The following NRXN3 variants were observed in gnomAD, a reference collection of about 807,000 sequenced individuals.
NRXN3 encodes neurexin III.
Under a neutral mutation model 137.6 loss-of-function variants are expected in NRXN3, and 32 were observed. The observed-to-expected ratio is 0.23, with a 90% CI of 0.18 to 0.31. NRXN3 has a LOEUF of 0.31. Ranked by LOEUF, NRXN3 falls within the 10% of genes least tolerant of loss-of-function variation. NRXN3 has a pLI of 1.00. For missense variants in NRXN3, 1,574 were observed against 2,062.5 expected, an observed-to-expected ratio of 0.76 and a Z score of 4.59; for synonymous variants, 798 against 784.5, an observed-to-expected ratio of 1.02 and a Z score of -0.29.
chr14:78,594,487 A>G (rs2097143098), intron 4 of NRXN3, among the ~76,000 whole-genome samples: 1 of 152,182 alleles, frequency 6.6e-6, no homozygotes, highest in Non-Finnish European at 1.5e-5. Flanking sequence ...AGAACCACTT[A>G]CCCAGGTCAT....
intron 15 of NRXN3, chr14:79,280,280 CG>C: frequency 6.2e-7 from 1 of 1,613,860 alleles, no homozygotes; most frequent in Non-Finnish European, 8.5e-7. Flanking sequence ...GTAGTGGTCC[CG>C]TGCGTTGACC....
At chr14:79,689,580 G>T (rs1415588897) in intron 17 of NRXN3, among the ~76,000 whole-genome samples, 1 of 152,062 alleles carries the variant, frequency 6.6e-6, no homozygotes, top group African/African-American at 2.4e-5. Flanking sequence ...ATCTGGTGTG[G>T]AAAACTTAAA....
chr14:79,757,131 G>A (rs190011936), intron 19 of NRXN3, among the ~76,000 whole-genome samples: 127 of 152,258 alleles, frequency 8.3e-4, no homozygotes, highest in Admixed American at 2.0e-3. Context: ...GGACATTTGG[G>A]TTCACTACAC....
chr14:78,654,926 T>C (rs2097773502), intron 6 of NRXN3, among the ~76,000 whole-genome samples: 1 of 152,208 alleles, frequency 6.6e-6, no homozygotes, highest in South Asian at 2.1e-4. Context: ...CATCTTGACA[T>C]GGCAGTGGTT....
rs551574942 is a variant in NRXN3, at chr14:78,214,336, G to T, written c.-703-28055G>T. On this transcript the variant is annotated intron_variant, in intron 1 of 20. Coordinates refer to ENST00000335750, the MANE Select transcript of NRXN3 (RefSeq NM_001330195.2). The stretch of plus-strand genomic sequence containing the variant: ...CACAAGAGTAACTTCTTCAGGGAGG[G>T]CTGGAGTCCCCTCCTAGTGCTCTTT... Among the ~76,000 whole-genome samples the T allele has an allele frequency of 3.9e-5, 6 of 152,296 alleles. No homozygotes were observed. The South Asian group carries it at 1.2e-3, about 32-fold the overall frequency.
intron 20 of NRXN3, among the ~76,000 whole-genome samples, chr14:79,824,494 TC>T (rs1007907845): frequency 2.8e-4 from 42 of 152,134 alleles, no homozygotes; most frequent in Non-Finnish European, 5.3e-4. Flanking sequence ...CTTTACCCTT[TC>T]CGTTGTGGAA....
chr14:78,391,923 C>A (rs2090833036), intron 4 of NRXN3, among the ~76,000 whole-genome samples: 1 of 151,966 alleles, frequency 6.6e-6, no homozygotes, highest in African/African-American at 2.4e-5. Context: ...TGTGGTTCTT[C>A]CAGCCTCAAG....
intron 8 of NRXN3, among the ~76,000 whole-genome samples, chr14:78,734,894 T>C (rs1323293625): frequency 6.6e-6 from 1 of 152,172 alleles, no homozygotes; most frequent in Admixed American, 6.6e-5. Flanking sequence ...TGGTAGAGTA[T>C]GATACTGATT....
intron 3 of NRXN3, among the ~76,000 whole-genome samples, chr14:78,297,081 G>A (rs542568450): frequency 2.0e-5 from 3 of 152,158 alleles, no homozygotes; most frequent in Admixed American, 2.0e-4. Context: ...TCTATTTATT[G>A]GGACTTTACA....
intron 16 of NRXN3, among the ~76,000 whole-genome samples, chr14:79,468,105 G>A (rs2153614741): frequency 6.6e-6 from 1 of 152,310 alleles, no homozygotes; most frequent in South Asian, 2.1e-4. Context: ...TAATTCATGT[G>A]TATTGCATAC....
chr14:78,278,068 G>A (rs1273091438), intron 2 of NRXN3, among the ~76,000 whole-genome samples: 1 of 152,294 alleles, frequency 6.6e-6, no homozygotes, highest in Admixed American at 6.5e-5. Context: ...TGGGTGTACT[G>A]GGGAGGCGGG....
At chr14:78,688,561 A>G (rs1448911193) in intron 6 of NRXN3, among the ~76,000 whole-genome samples, 1 of 152,092 alleles carries the variant, frequency 6.6e-6, no homozygotes, top group African/African-American at 2.4e-5. Flanking sequence ...CAACTTTTGG[A>G]AGAGTTTTGC....
At chr14:79,517,130 C>T (rs2096998133) in intron 16 of NRXN3, among the ~76,000 whole-genome samples, 1 of 149,130 alleles carries the variant, frequency 6.7e-6, no homozygotes, top group South Asian at 2.1e-4. Flanking sequence ...CTTCCCCACA[C>T]CTCACCAATA....
chr14:78,889,209 TGTTCAAAGGGGAA>T (rs2099152271), intron 10 of NRXN3, among the ~76,000 whole-genome samples: 1 of 151,994 alleles, frequency 6.6e-6, no homozygotes, highest in Non-Finnish European at 1.5e-5. Flanking sequence ...CAAAAGACCT[TGTTCAAAGGGGAA>T]GAACAAATAA....
At chr14:79,002,143 C>A (rs1335938728) in intron 15 of NRXN3, among the ~76,000 whole-genome samples, 3 of 152,182 alleles carry the variant, frequency 2.0e-5, no homozygotes, top group East Asian at 3.9e-4. Context: ...TTAGACTATT[C>A]AAATAGCACA....
chr14:78,261,161 A>G (rs1313260995), intron 2 of NRXN3, among the ~76,000 whole-genome samples: 1 of 152,164 alleles, frequency 6.6e-6, no homozygotes, highest in Admixed American at 6.5e-5. Context: ...CTGGCATTGA[A>G]TGGGGGCGGG....
chr14:78,220,799 A>G (rs2063773511), intron 1 of NRXN3, among the ~76,000 whole-genome samples: 1 of 152,030 alleles, frequency 6.6e-6, no homozygotes, highest in South Asian at 2.1e-4. Context: ...GAAGGGAAGT[A>G]GGGAAGGTAG....
chr14:78,949,503 C>T (rs1392410943), intron 10 of NRXN3, among the ~76,000 whole-genome samples: 1 of 151,862 alleles, frequency 6.6e-6, no homozygotes, highest in Non-Finnish European at 1.5e-5. Flanking sequence ...TTTTCCAATA[C>T]ATTGAACACC....
chr14:79,725,715 C>T (rs146988537), intron 19 of NRXN3, among the ~76,000 whole-genome samples: 35 of 152,246 alleles, frequency 2.3e-4, no homozygotes, highest in Non-Finnish European at 4.3e-4. Flanking sequence ...TGTCAGCAGC[C>T]TCATGTTCTC....
Sources: gnomAD v4.1 joint callset for allele counts (sites outside exome capture counted in the v4.1 genomes callset) on GRCh38, gnomAD v4.1.1 for gene constraint, MANE v1.5 for transcripts, NCBI Gene and HGNC (gene_info 2026-07-23, HGNC 2026-07-21) for gene names.